Variants in IGSF10 observed in about 807,000 individuals in gnomAD.
IGSF10 encodes calvaria mechanical force protein 608.
In IGSF10, 126 loss-of-function variants were observed where a neutral mutation model predicts 128.2. The ratio of observed to expected loss-of-function variants is 0.98; its 90% CI spans 0.85 to 1.14. IGSF10 has a LOEUF of 1.14. Ranked by LOEUF, IGSF10 falls within the 50% of genes most tolerant of loss-of-function variation. The probability of loss-of-function intolerance (pLI) is 0.00; values close to 1 mark genes in which losing one functional copy is unlikely to be tolerated. For missense variants in IGSF10, 3,295 were observed against 3,149.8 expected, an observed-to-expected ratio of 1.05 and a Z score of -1.10; for synonymous variants, 1,185 against 1,146.2, an observed-to-expected ratio of 1.03 and a Z score of -0.68.
the IGSF10 span, among the ~76,000 whole-genome samples, chr3:151,490,128 A>G: frequency 6.6e-6 from 1 of 152,230 alleles, no homozygotes; most frequent in African/African-American, 2.4e-5. Context: ...ATCCAATTAT[A>G]TGCTGCTTTC....
the IGSF10 span, among the ~76,000 whole-genome samples, chr3:151,497,917 G>T: frequency 1.3e-5 from 2 of 152,094 alleles, no homozygotes; most frequent in Non-Finnish European, 2.9e-5. Flanking sequence ...GGATTCCTAG[G>T]TATTTTATTC....
At chr3:151,528,556 A>T in the IGSF10 span, among the ~76,000 whole-genome samples, 1 of 152,174 alleles carries the variant, frequency 6.6e-6, no homozygotes, top group Non-Finnish European at 1.5e-5. Flanking sequence ...ATGGAGGGCA[A>T]ACCAAAGCAG....
chr3:151,604,584 A>G, the IGSF10 span, among the ~76,000 whole-genome samples: 1 of 134,698 alleles, frequency 7.4e-6, no homozygotes, highest in Non-Finnish European at 1.6e-5. Flanking sequence ...ATATATTTGT[A>G]CCAATATAAC....
At chr3:151,499,087 C>A in the IGSF10 span, among the ~76,000 whole-genome samples, 2 of 152,094 alleles carry the variant, frequency 1.3e-5, no homozygotes, top group Non-Finnish European at 1.5e-5. Context: ...TGTTTTCCTG[C>A]ACATCTGCAG....
the IGSF10 span, among the ~76,000 whole-genome samples, chr3:151,556,225 A>C: frequency 1.3e-5 from 2 of 152,192 alleles, no homozygotes; most frequent in African/African-American, 4.8e-5. Context: ...TCAGATTCAC[A>C]GGAAAATTAC....
chr3:151,585,263 T>C, the IGSF10 span, among the ~76,000 whole-genome samples: 10 of 152,318 alleles, frequency 6.6e-5, no homozygotes, highest in East Asian at 1.5e-3. Flanking sequence ...GGTTAAATAA[T>C]ATATATCAAA....
At chr3:151,491,939 T>C in the IGSF10 span, among the ~76,000 whole-genome samples, 1 of 152,118 alleles carries the variant, frequency 6.6e-6, no homozygotes, top group African/African-American at 2.4e-5. Flanking sequence ...GAAAAGATTA[T>C]ATGTCATGAT....
the IGSF10 span, among the ~76,000 whole-genome samples, chr3:151,619,327 GT>G: frequency 6.6e-6 from 1 of 151,858 alleles, no homozygotes. Flanking sequence ...TGAATGTAAA[GT>G]TTTTGAAGTA....
chr3:151,519,284 G>A, the IGSF10 span, among the ~76,000 whole-genome samples: 1 of 151,718 alleles, frequency 6.6e-6, no homozygotes, highest in Non-Finnish European at 1.5e-5. Flanking sequence ...TTTCTGTGAA[G>A]CTAATGAAGC....
the IGSF10 span, among the ~76,000 whole-genome samples, chr3:151,550,086 C>G: frequency 6.6e-6 from 1 of 151,962 alleles, no homozygotes; most frequent in Non-Finnish European, 1.5e-5. Flanking sequence ...GAACTTTTAG[C>G]AACAAAGCAA....
intron 4 of IGSF10, among the ~76,000 whole-genome samples, chr3:151,454,864 G>A (rs184198319): frequency 6.6e-6 from 1 of 151,814 alleles, no homozygotes; most frequent in African/African-American, 2.4e-5. Context: ...AATTAGCCGG[G>A]CATGGTGGCA....
chr3:151,560,794 T>G, the IGSF10 span, among the ~76,000 whole-genome samples: 1 of 152,084 alleles, frequency 6.6e-6, no homozygotes, highest in African/African-American at 2.4e-5. Flanking sequence ...AATTTTAGAC[T>G]CTGTGGTGTG....
At position 151,448,605 on chromosome 3, in the gene IGSF10, G is replaced by C. The variant is rs1338781974; in HGVS notation, c.1376C>G (p.Thr459Ser). 6.2e-7 allele frequency: 1 copy of C among 1,613,944 alleles called. No homozygotes were observed. Among genetic ancestry groups the C allele is most frequent in the African/African-American group, 1.3e-5 (1 of 74,932 alleles). The change falls in exon 6 of 8, where the codon ACT becomes AGT. Residue 459 changes from threonine (T) to serine (S), a missense_variant. Coordinates refer to ENST00000282466, the MANE Select transcript of IGSF10 (RefSeq NM_178822.5). ...TGGCCTCATCTCTGCTCTTGGTAAA[G>C]TGATTTGAGCATCACTGGAGTACTG... ...QIQYSSDAQI[T>S]LPRAEMRPVK...
In IGSF10 at chr3:151,449,157, G is replaced by C. The variant is rs1219709175; in HGVS notation, c.824C>G (p.Ala275Gly). The C allele has an allele frequency of 6.2e-7, 1 of 1,614,184 alleles. No individual in the cohort carries two copies. Among genetic ancestry groups the C allele is most frequent in the South Asian group, 1.1e-5 (1 of 91,086 alleles). The change falls in exon 6 of 8, where the codon GCA becomes GGA. Residue 275 changes from alanine (A) to glycine (G), a missense_variant. Physicochemically the swap from Ala to Gly is moderately conservative, Grantham distance 60 (BLOSUM62 0). Coordinates refer to ENST00000282466, the MANE Select transcript of IGSF10 (RefSeq NM_178822.5). ...KGKPLAMVSA[A>G]AFQCAKPTID... ...GGTTGGCTTGGCACACTGGAAAGCTGCAGCTGAGACCATAGCTAACGGCTT... is the reference window on the plus strand; with the variant it reads ...GGTTGGCTTGGCACACTGGAAAGCTCCAGCTGAGACCATAGCTAACGGCTT...
chr3:151,585,843 C>T, the IGSF10 span, among the ~76,000 whole-genome samples: 1 of 152,068 alleles, frequency 6.6e-6, no homozygotes, highest in Admixed American at 6.6e-5. Flanking sequence ...AATAATGATG[C>T]CAATTTAAAT....
chr3:151,437,509 A>G lies in IGSF10; in HGVS notation c.7052T>C (p.Leu2351Pro), dbSNP rs1228004706. The change falls in exon 8 of 8, where the codon CTG becomes CCG. Residue 2351 changes from leucine to proline, a missense_variant. By Grantham distance (98) the Leu-to-Pro change is moderately conservative. Transcript: ENST00000282466. ...GCAATTCAATGCTGTGGACTTTCCC[A>G]GCTGGGCAACTATTTTTTCATTAAA... ...NPFNEKIVAQ[L>P]GKSTALNCSV... 1.2e-6 allele frequency: 2 copies of G among 1,614,208 alleles called. No homozygotes were observed. The highest frequency in any genetic ancestry group is 3.3e-5 in the Admixed American group (2 of 60,024).
the IGSF10 span, among the ~76,000 whole-genome samples, chr3:151,473,185 A>G: frequency 6.6e-6 from 1 of 152,124 alleles, no homozygotes; most frequent in African/African-American, 2.4e-5. Context: ...AATCCATGGG[A>G]CCATAATCAG....
the IGSF10 span, among the ~76,000 whole-genome samples, chr3:151,617,317 TTCC>T: frequency 0.013 from 1,559 of 118,404 alleles, 77 homozygotes; most frequent in African/African-American, 0.024. Context: ...CTTCTTCTTC[TTCC>T]CCTCCTCCTC....
intron 4 of IGSF10, among the ~76,000 whole-genome samples, chr3:151,454,475 G>C (rs1457251641): frequency 6.6e-6 from 1 of 152,168 alleles, no homozygotes; most frequent in East Asian, 1.9e-4. Flanking sequence ...AGTGGGTAGA[G>C]GTGCAGGTGA....
Sources: gnomAD v4.1 joint callset for allele counts (sites outside exome capture counted in the v4.1 genomes callset) on GRCh38, gnomAD v4.1.1 for gene constraint, MANE v1.5 for transcripts, NCBI Gene and HGNC (gene_info 2026-07-23, HGNC 2026-07-21) for gene names.